The following LRRC3B variants were observed in gnomAD, a reference collection of about 807,000 sequenced individuals.
LRRC3B encodes the protein leucine-rich repeat-containing protein 3B.
A neutral mutation model predicts 12.8 loss-of-function variants in LRRC3B; 2 were observed. The ratio of observed to expected loss-of-function variants is 0.16; its 90% confidence interval spans 0.06 to 0.49. The LOEUF (loss-of-function observed/expected upper bound fraction) is 0.49, where lower values mean the gene tolerates loss of function less well. Ranked by LOEUF, LRRC3B falls within the 20% of genes least tolerant of loss-of-function variation. LRRC3B has a pLI of 0.96. For synonymous variants in LRRC3B, 132 were observed against 122.0 expected (o/e 1.08, Z -0.54); for missense variants, 189 against 319.4 (o/e 0.59, Z 3.11).
intron 1 of LRRC3B, among the ~76,000 whole-genome samples, chr3:26,636,809 C>T (rs1698883365): frequency 2.1e-5 from 1 of 46,658 alleles, no homozygotes. Flanking sequence ...TCTTTCTTTC[C>T]CTCCCTCCCT....
Position 26,656,348 on chromosome 3 carries a change from G to A in LRRC3B, c.-161+33111G>A, listed in dbSNP as rs577787995. Reference sequence around the variant, plus strand: ...TGATTGTGCGGGCAGTTTGAGGGTGGTGGTAAAGTGGGAGGGGAAGGTAGG... The same window carrying A: ...TGATTGTGCGGGCAGTTTGAGGGTGATGGTAAAGTGGGAGGGGAAGGTAGG... On this transcript the variant is annotated intron_variant, in intron 1 of 1. Coordinates refer to ENST00000396641, the Ensembl canonical transcript of LRRC3B. Among the ~76,000 whole-genome samples, 6 of 152,276 alleles carry A rather than the reference G, an allele frequency of 3.9e-5. No individual in the cohort carries two copies. The South Asian group carries it at 1.2e-3, about 32-fold the overall frequency.
intron 1 of LRRC3B, among the ~76,000 whole-genome samples, chr3:26,652,710 TA>T (rs937433713): frequency 5.9e-5 from 9 of 151,302 alleles, no homozygotes; most frequent in Admixed American, 1.3e-4. Context: ...TTCTTTTTTT[TA>T]AAAAAAAATC....
intron 1 of LRRC3B, among the ~76,000 whole-genome samples, chr3:26,641,288 C>T (rs9861274): frequency 6.6e-6 from 1 of 152,156 alleles, no homozygotes; most frequent in South Asian, 2.1e-4. Context: ...CCTGGAGCTG[C>T]ACACCCAGAC....
At chr3:26,646,344 T>TGA (rs369102297) in intron 1 of LRRC3B, among the ~76,000 whole-genome samples, 1 of 151,920 alleles carries the variant, frequency 6.6e-6, no homozygotes, top group African/African-American at 2.4e-5. Flanking sequence ...GTAAAAGCAG[T>TGA]GAGAGAGAGA....
intron 1 of LRRC3B, among the ~76,000 whole-genome samples, chr3:26,636,860 C>CCCTT (rs1698890157): frequency 4.0e-5 from 3 of 74,894 alleles, no homozygotes; most frequent in African/African-American, 1.7e-4. Context: ...CTCCCTCCCT[C>CCCTT]CCTCCCTTCC....
At position 26,647,588 on chromosome 3, in the gene LRRC3B, T is replaced by C. The variant is rs183665648; in HGVS notation, c.-161+24351T>C. ...CCCTACCTGTCCATGAAGAAACTCT[T>C]CCATTGCCCCAGCCCAAATTATCCT... On this transcript the variant is annotated intron_variant, in intron 1 of 1. Transcript: ENST00000396641. Among the ~76,000 whole-genome samples the C allele has an allele frequency of 5.2e-4, 79 of 152,284 alleles. 1 individual carries two copies. The East Asian group carries it at 0.013, about 25-fold the overall frequency.
In LRRC3B at chr3:26,703,761, G is replaced by A. The variant is rs79173830; in HGVS notation, c.-160-5752G>A. Among the ~76,000 whole-genome samples, 1,207 of 151,564 alleles carry A rather than the reference G, an allele frequency of 8.0e-3. 8 individuals carry two copies. Among genetic ancestry groups the A allele is most frequent in the African/African-American group, 0.028 (1,147 of 41,306 alleles). On this transcript the variant is annotated intron_variant, in intron 1 of 1. Transcript: ENST00000396641. ...TTTGTATATGGTGTGGCCACTGTCC[G>A]TTTGTATATTCAGTCTCTCATCATG...
chr3:26,639,701 G>A (rs1350589618), intron 1 of LRRC3B, among the ~76,000 whole-genome samples: 8 of 152,230 alleles, frequency 5.3e-5, no homozygotes, highest in East Asian at 3.9e-4. Context: ...CAGAAGCACC[G>A]TGTGGGCTTT....
intron 1 of LRRC3B, among the ~76,000 whole-genome samples, chr3:26,641,172 G>A (rs999817375): frequency 6.6e-6 from 1 of 152,074 alleles, no homozygotes. Flanking sequence ...GAAGAAATCG[G>A]GACTGGTGTG....
At chr3:26,705,618 G>A (rs1700567046) in intron 1 of LRRC3B, among the ~76,000 whole-genome samples, 1 of 152,038 alleles carries the variant, frequency 6.6e-6, no homozygotes, top group Non-Finnish European at 1.5e-5. Context: ...TTCTTGCCCA[G>A]CAGCATAGCT....
At chr3:26,676,736 G>A (rs776866524) in intron 1 of LRRC3B, among the ~76,000 whole-genome samples, 9 of 152,094 alleles carry the variant, frequency 5.9e-5, no homozygotes, top group African/African-American at 1.7e-4. Context: ...ATCCCATTAC[G>A]GGTATATACC....
intron 1 of LRRC3B, among the ~76,000 whole-genome samples, chr3:26,657,783 T>C (rs1699406069): frequency 6.6e-6 from 1 of 152,162 alleles, no homozygotes; most frequent in Non-Finnish European, 1.5e-5. Flanking sequence ...GGCTTTTCAT[T>C]CATTTCTGGG....
chr3:26,677,147 G>C (rs1205806137), intron 1 of LRRC3B, among the ~76,000 whole-genome samples: 1 of 152,144 alleles, frequency 6.6e-6, no homozygotes, highest in Non-Finnish European at 1.5e-5. Flanking sequence ...TTCTTCACAG[G>C]GATGTTGAAT....
At chr3:26,684,016 T>TTGTCTGCTGTGGAC (rs1434479228) in intron 1 of LRRC3B, among the ~76,000 whole-genome samples, 2 of 152,254 alleles carry the variant, frequency 1.3e-5, no homozygotes, top group African/African-American at 2.4e-5. Context: ...TCTGGCTGAA[T>TTGTCTGCTGTGGAC]TGTCTGCTGT....
At chr3:26,672,078 C>G (rs1406072754) in intron 1 of LRRC3B, among the ~76,000 whole-genome samples, 1 of 152,152 alleles carries the variant, frequency 6.6e-6, no homozygotes, top group Non-Finnish European at 1.5e-5. Context: ...AGGCTTTAAC[C>G]ATTTAAAGAA....
At chr3:26,654,319 C>T (rs1451918005) in intron 1 of LRRC3B, among the ~76,000 whole-genome samples, 1 of 152,178 alleles carries the variant, frequency 6.6e-6, no homozygotes, top group Admixed American at 6.5e-5. Flanking sequence ...AGCAATGCTT[C>T]TCAAGTTTTG....
intron 1 of LRRC3B, among the ~76,000 whole-genome samples, chr3:26,688,096 A>G (rs558559359): frequency 1.1e-4 from 16 of 152,340 alleles, no homozygotes; most frequent in African/African-American, 3.6e-4. Context: ...TGGAAGTTTT[A>G]TAATAACAGA....
intron 1 of LRRC3B, among the ~76,000 whole-genome samples, chr3:26,671,822 C>T (rs1362995665): frequency 1.3e-5 from 2 of 152,240 alleles, no homozygotes; most frequent in East Asian, 3.9e-4. Flanking sequence ...CACTTTGGGC[C>T]TTTAGATATC....
At chr3:26,678,439 A>G (rs1168104585) in intron 1 of LRRC3B, among the ~76,000 whole-genome samples, 1 of 152,088 alleles carries the variant, frequency 6.6e-6, no homozygotes, top group African/African-American at 2.4e-5. Flanking sequence ...GGTTACAGTG[A>G]TCCAAGATCA....
Sources: allele counts gnomAD v4.1 joint callset (sites outside exome capture counted in the v4.1 genomes callset), GRCh38; gene constraint gnomAD v4.1.1; transcripts MANE v1.5; gene names NCBI Gene and HGNC (gene_info 2026-07-23, HGNC 2026-07-21).